PLIN3: variants seen among roughly 807,000 people sequenced by gnomAD.
The protein encoded by PLIN3 is perilipin 3.
In PLIN3, 30 loss-of-function variants were observed where a neutral mutation model predicts 35.9. The observed-to-expected ratio is 0.84, with a 90% CI of 0.62 to 1.13. The LOEUF (loss-of-function observed/expected upper bound fraction) is 1.13. Ranked by LOEUF, PLIN3 falls within the 50% of genes most tolerant of loss-of-function variation. PLIN3 has a pLI of 0.00. For missense variants in PLIN3, 603 were observed against 596.9 expected (o/e 1.01, Z -0.11); for synonymous variants, 261 against 262.5 (o/e 0.99, Z 0.06).
Position 4,842,731 on chromosome 19 carries a change from G to T in PLIN3, c.960+1937C>A, listed in dbSNP as rs112253936. On this transcript the variant is annotated intron_variant, in intron 7 of 7. Coordinates refer to ENST00000221957, the MANE Select transcript of PLIN3 (RefSeq NM_005817.5). ...GCCCACGTGAGAGAGATAAGATCTG[G>T]TTTTTTCATTTGAAAAGTCATTCTG... 3.4e-3 allele frequency among the ~76,000 whole-genome samples: 516 copies of T among 151,960 alleles called. 3 individuals carry two copies. Among genetic ancestry groups the T allele is most frequent in the Non-Finnish European group, 5.7e-3 (388 of 67,970 alleles).
chr19:4,841,844 G>A (rs2146195102), intron 7 of PLIN3, among the ~76,000 whole-genome samples: 1 of 145,118 alleles, frequency 6.9e-6, no homozygotes, highest in South Asian at 2.2e-4. Flanking sequence ...GGCGGAGCTT[G>A]CAGTGAGCCG....
In PLIN3 at chr19:4,860,010, G is replaced by A; in HGVS notation, c.81C>T (p.Asp27=). 6.2e-7 allele frequency: 1 copy of A among 1,614,066 alleles called. No homozygotes were observed. The highest frequency in any genetic ancestry group is 8.5e-7 in the Non-Finnish European group (1 of 1,180,038). The change falls in exon 3 of 8, where the codon GAC becomes GAT. Residue 27 remains aspartate (D), a synonymous_variant. Transcript: ENST00000221957. The part of the protein sequence containing the change: ...EEPVQQPSVV[D]RVASMPLISS... ...TGATCAGAGGCATGCTGGCCACACG[G>A]TCCACCACACTGGGCTACAGGAGAG...
intron 7 of PLIN3, among the ~76,000 whole-genome samples, chr19:4,841,883 CG>C (rs2029900925): frequency 1.7e-5 from 2 of 117,846 alleles, no homozygotes; most frequent in Non-Finnish European, 3.2e-5. Context: ...CCAGCCTGGG[CG>C]ACAGAGCGAG....
In PLIN3 at chr19:4,852,066, T is replaced by C. The variant is rs780340308; in HGVS notation, c.584A>G (p.Lys195Arg). 6 of 1,613,848 alleles carry C rather than the reference T, an allele frequency of 3.7e-6. No individual in the cohort carries two copies. In the South Asian group the frequency reaches 6.6e-5, roughly 18 times the overall value. The change falls in exon 5 of 8, where the codon AAG (lysine) becomes AGG (arginine). Residue 195 changes from lysine to arginine, a missense_variant. Physicochemically the swap from Lys to Arg is conservative, Grantham distance 26 (BLOSUM62 2). Transcript: ENST00000221957. ...VLSGVDTVLGKSEEWADNHLP... is the reference protein window; with the variant it reads ...VLSGVDTVLGRSEEWADNHLP... ...GTGGTTGTCCGCCCACTCCTCCGACTTCCCCAGCACCGTGTCGACCCCACT... is the reference window on the plus strand; with the variant it reads ...GTGGTTGTCCGCCCACTCCTCCGACCTCCCCAGCACCGTGTCGACCCCACT...
intron 4 of PLIN3, among the ~76,000 whole-genome samples, chr19:4,853,762 G>A (rs927939122): frequency 6.6e-6 from 1 of 151,600 alleles, no homozygotes; most frequent in Admixed American, 6.6e-5. Flanking sequence ...GCAGTGAGCC[G>A]AGACTGCACC....
At chr19:4,852,957 G>A (rs975858049) in intron 4 of PLIN3, among the ~76,000 whole-genome samples, 4 of 151,394 alleles carry the variant, frequency 2.6e-5, no homozygotes, top group Non-Finnish European at 4.4e-5. Flanking sequence ...TGGGATTACA[G>A]GCATGCGCCA....
chr19:4,864,520 T>TAC (rs2030787904), intron 1 of PLIN3, among the ~76,000 whole-genome samples: 1 of 151,800 alleles, frequency 6.6e-6, no homozygotes, highest in Admixed American at 6.6e-5. Context: ...TTTTGCCATG[T>TAC]TGCCCAGGTT....
chr19:4,850,889 T>C (rs1296415339), intron 5 of PLIN3, among the ~76,000 whole-genome samples: 1 of 152,036 alleles, frequency 6.6e-6, no homozygotes, highest in African/African-American at 2.4e-5. Flanking sequence ...AGCTACTTAT[T>C]TGCAAAAATC....
chr19:4,854,865 G>C (rs541697709), intron 4 of PLIN3, among the ~76,000 whole-genome samples: 1 of 151,878 alleles, frequency 6.6e-6, no homozygotes, highest in African/African-American at 2.4e-5. Context: ...CTGTCATCCC[G>C]GCACTTTGGG....
At position 4,838,819 on chromosome 19, in the gene PLIN3, G is replaced by T. The variant is rs1236573308; in HGVS notation, c.*373C>A. 1 of 156,634 alleles carries T rather than the reference G, an allele frequency of 6.4e-6. No homozygotes were observed. Among genetic ancestry groups the T allele is most frequent in the Non-Finnish European group, 1.4e-5 (1 of 71,198 alleles). 9.7% of individuals were successfully genotyped at this position (156,634 alleles called of 1,614,324 possible). A position where few individuals can be genotyped will look rare whatever the true frequency, so the allele number is the denominator to read the frequency against. On this transcript the variant is annotated 3_prime_UTR_variant, in exon 8 of 8. Coordinates refer to ENST00000221957, the MANE Select transcript of PLIN3 (RefSeq NM_005817.5). ...TGGTCTCGAACACCTGACCTCAGGT[G>T]TTCCGCCCGCCTCAGCCTCCCAAAG...
chr19:4,858,589 T>G (rs534654710), intron 4 of PLIN3, among the ~76,000 whole-genome samples: 3 of 151,484 alleles, frequency 2.0e-5, no homozygotes, highest in Non-Finnish European at 4.4e-5. Flanking sequence ...TCACTGTGTT[T>G]GCCAGGATGG....
At chr19:4,855,025 G>GCA in intron 4 of PLIN3, among the ~76,000 whole-genome samples, 2 of 151,258 alleles carry the variant, frequency 1.3e-5, no homozygotes, top group African/African-American at 4.9e-5. Context: ...CAAGGCAGCT[G>GCA]GATCACCTGA....
rs929146015 is a variant in PLIN3, at chr19:4,854,396, T to A, written c.349-2095A>T. ...GGGGAAGAGGGTGTGAGAGTCAAGTTTTTTGTTTTTGTTTTTGTTTTTTTT... is the reference window on the plus strand; with the variant it reads ...GGGGAAGAGGGTGTGAGAGTCAAGTATTTTGTTTTTGTTTTTGTTTTTTTT... On this transcript the variant is annotated intron_variant, in intron 4 of 7. Coordinates refer to ENST00000221957, the MANE Select transcript of PLIN3 (RefSeq NM_005817.5). 1.9e-4 allele frequency among the ~76,000 whole-genome samples: 7 copies of A among 37,576 alleles called. No individual in the cohort carries two copies. The Admixed American group carries it at 2.0e-3, about 11-fold the overall frequency. The allele number at this position is 37,576 out of a possible 152,430, so 24.7% of individuals were successfully genotyped here.
intron 6 of PLIN3, among the ~76,000 whole-genome samples, chr19:4,845,519 C>T (rs1281777105): frequency 1.3e-5 from 2 of 152,176 alleles, no homozygotes; most frequent in Non-Finnish European, 2.9e-5. Context: ...TCTGCAATCC[C>T]AGCGCTTTGG....
At chr19:4,841,069 C>T (rs929863264) in intron 7 of PLIN3, among the ~76,000 whole-genome samples, 1 of 152,152 alleles carries the variant, frequency 6.6e-6, no homozygotes, top group South Asian at 2.1e-4. Flanking sequence ...AACAGTCTAG[C>T]GGTTACTCAA....
At chr19:4,856,688 C>T (rs2030485995) in intron 4 of PLIN3, among the ~76,000 whole-genome samples, 1 of 150,692 alleles carries the variant, frequency 6.6e-6, no homozygotes, top group Non-Finnish European at 1.5e-5. Flanking sequence ...AAGCCTCACA[C>T]TTATCTGAAG....
At position 4,852,292 on chromosome 19, in the gene PLIN3, C is replaced by T; in HGVS notation, c.358G>A (p.Asp120Asn). 1.2e-6 allele frequency: 2 copies of T among 1,601,988 alleles called. No individual in the cohort carries two copies. The highest frequency in any genetic ancestry group is 1.7e-6 in the Non-Finnish European group (2 of 1,179,648). Residue 120 changes from aspartate to asparagine, a missense_variant, in exon 5 of 8, where the codon GAC becomes AAC. By Grantham distance (23) the Asp-to-Asn change is conservative (BLOSUM62 1). Coordinates refer to ENST00000221957, the MANE Select transcript of PLIN3 (RefSeq NM_005817.5). ...LQQPTEKVLA[D>N]TKELVSSKVS... ...TTAGACGACACAAGCTCCTTGGTGTCCGCCAGGACCTAGGAGATGCAACAG... is the reference window on the plus strand; with the variant it reads ...TTAGACGACACAAGCTCCTTGGTGTTCGCCAGGACCTAGGAGATGCAACAG...
intron 7 of PLIN3, among the ~76,000 whole-genome samples, chr19:4,840,513 A>C (rs2029877115): frequency 2.6e-5 from 4 of 152,096 alleles, no homozygotes; most frequent in Admixed American, 2.6e-4. Flanking sequence ...TCAGCCTCCC[A>C]AAATGCTGGA....
intron 1 of PLIN3, among the ~76,000 whole-genome samples, chr19:4,863,905 C>T (rs1282840098): frequency 2.6e-5 from 4 of 151,682 alleles, no homozygotes; most frequent in Non-Finnish European, 5.9e-5. Flanking sequence ...AAGATCTAGT[C>T]AAGGGATAAA....
Sources: gnomAD v4.1 joint callset for allele counts (sites outside exome capture counted in the v4.1 genomes callset) on GRCh38, gnomAD v4.1.1 for gene constraint, MANE v1.5 for transcripts, NCBI Gene and HGNC (gene_info 2026-07-23, HGNC 2026-07-21) for gene names.